TRAF3IP2: variants seen among roughly 807,000 people sequenced by gnomAD.
TRAF3IP2 encodes TRAF3 interacting protein 2, also known as E3 ubiquitin ligase TRAF3IP2.
A neutral mutation model predicts 57.9 loss-of-function variants in TRAF3IP2; 35 were observed. The ratio of observed to expected loss-of-function variants is 0.60; its 90% CI spans 0.46 to 0.80. The LOEUF (loss-of-function observed/expected upper bound fraction) is 0.80, where lower values mean the gene tolerates loss of function less well. TRAF3IP2 is among the 30% of genes least tolerant of loss of function. The pLI is 0.00. For synonymous variants in TRAF3IP2, 251 were observed against 268.9 expected (o/e 0.93, Z 0.65); for missense variants, 556 against 706.4 (o/e 0.79, Z 2.41).
chr6:111,600,352 C>T (rs147905077), intron 1 of TRAF3IP2: 131 of 152,300 alleles, frequency 8.6e-4, no homozygotes, highest in African/African-American at 3.0e-3. Context: ...TGATACACAT[C>T]ATCTCGTTTG....
chr6:111,604,593 C>T (rs1796966440), intron 1 of TRAF3IP2, among the ~76,000 whole-genome samples: 1 of 152,266 alleles, frequency 6.6e-6, no homozygotes, highest in African/African-American at 2.4e-5. Flanking sequence ...CAATTCCAGG[C>T]AGCCCTCCCG....
intron 1 of TRAF3IP2, among the ~76,000 whole-genome samples, chr6:111,604,093 CCTAAAAACATGA>C (rs1245681046): frequency 1.3e-5 from 2 of 152,182 alleles, no homozygotes; most frequent in East Asian, 3.9e-4. Context: ...GAGAGAAATG[CCTAAAAACATGA>C]CACGGACTAC....
intron 1 of TRAF3IP2, among the ~76,000 whole-genome samples, chr6:111,602,451 CAA>C (rs1411536087): frequency 1.3e-5 from 2 of 151,666 alleles, no homozygotes; most frequent in African/African-American, 2.4e-5. Context: ...AAGGAAAAAC[CAA>C]GAGAGGAAGA....
At chr6:111,570,782 C>T (rs1467592699) in intron 5 of TRAF3IP2, among the ~76,000 whole-genome samples, 3 of 152,052 alleles carry the variant, frequency 2.0e-5, no homozygotes. Flanking sequence ...CCCAGGCTGG[C>T]CTCCAACTCC....
At chr6:111,590,743 A>G (rs779984206) in intron 2 of TRAF3IP2, among the ~76,000 whole-genome samples, 2 of 152,134 alleles carry the variant, frequency 1.3e-5, no homozygotes, top group African/African-American at 4.8e-5. Flanking sequence ...TTAAGCAGCA[A>G]AATCACAGAA....
intron 4 of TRAF3IP2, chr6:111,574,927 G>A (rs1044489384): frequency 6.6e-6 from 1 of 152,228 alleles, no homozygotes; most frequent in African/African-American, 2.4e-5. Context: ...ATGAGAAATA[G>A]CTGAGGTTAT....
chr6:111,566,368 G>A (rs962191380), intron 7 of TRAF3IP2, 76 bp downstream of exon 7: 1 of 1,179,416 alleles, frequency 8.5e-7, no homozygotes, highest in Non-Finnish European at 1.2e-6. Flanking sequence ...TGGTCTCTGG[G>A]GAAGAATGGG....
At chr6:111,589,260 C>T (rs1247950627) in intron 2 of TRAF3IP2, among the ~76,000 whole-genome samples, 1 of 152,032 alleles carries the variant, frequency 6.6e-6, no homozygotes, top group Non-Finnish European at 1.5e-5. Context: ...GACAGTGTTT[C>T]ACCATGTTGG....
At chr6:111,589,451 GCAAT>G (rs1396039129) in intron 2 of TRAF3IP2, among the ~76,000 whole-genome samples, 1 of 152,076 alleles carries the variant, frequency 6.6e-6, no homozygotes, top group East Asian at 1.9e-4. Context: ...TTTAAACCTG[GCAAT>G]CACTGAGAAA....
chr6:111,597,692 T>C (rs562354277), intron 1 of TRAF3IP2: 65 of 364,064 alleles, frequency 1.8e-4, no homozygotes, highest in African/African-American at 1.3e-3. Flanking sequence ...TGAGAGCATG[T>C]ACCCTGGGTA....
rs1345767229 is a variant in TRAF3IP2, at chr6:111,557,322, A to G, written c.*2083T>C. On this transcript the variant is annotated 3_prime_UTR_variant, in exon 9 of 9. Coordinates refer to ENST00000368761, the MANE Select transcript of TRAF3IP2 (RefSeq NM_147686.4). ...GATTTGATACATGTATACATATTTT[A>G]TATATGGATATGTGTATGTGTTCTT... 1.3e-5 allele frequency: 2 copies of G among 151,938 alleles called. No individual in the cohort carries two copies. The highest frequency in any genetic ancestry group is 2.9e-5 in the Non-Finnish European group (2 of 68,006). The allele number at this position is 151,938 out of a possible 1,614,324, so 9.4% of individuals were successfully genotyped here.
chr6:111,591,273 C>T lies in TRAF3IP2; in HGVS notation c.814G>A (p.Asp272Asn), dbSNP rs757470698. 32 of 1,486,218 alleles carry T rather than the reference C, an allele frequency of 2.2e-5. No homozygotes were observed. The highest frequency in any genetic ancestry group is 9.3e-5 in the Admixed American group (4 of 43,128). 92.1% of individuals were successfully genotyped at this position (1,486,218 alleles called of 1,614,324 possible). A position where few individuals can be genotyped will look rare whatever the true frequency, so the allele number is the denominator to read the frequency against. The change falls in exon 2 of 9, where the codon GAT becomes AAT. Residue 272 changes from aspartate to asparagine, a missense_variant. By Grantham distance (23) the Asp-to-Asn change is conservative. Coordinates refer to ENST00000368761, the MANE Select transcript of TRAF3IP2 (RefSeq NM_147686.4). The surrounding 1 kb of genome is among the most constrained non-coding windows in gnomAD (Gnocchi z 4.9). ...GATCACTTACATGGCACCTGGTGATCGGGACTTCCAGGACAATGGTAATGA... is the reference window on the plus strand; with the variant it reads ...GATCACTTACATGGCACCTGGTGATTGGGACTTCCAGGACAATGGTAATGA... Reference protein sequence around the residue: ...NYHYHCPGSPDHQVPYGHDYP... With the variant: ...NYHYHCPGSPNHQVPYGHDYP...
At chr6:111,560,763 G>T (rs981624807) in intron 8 of TRAF3IP2, among the ~76,000 whole-genome samples, 1 of 152,136 alleles carries the variant, frequency 6.6e-6, no homozygotes, top group Non-Finnish European at 1.5e-5. Context: ...TTTGTATATC[G>T]CCATGCTCCA....
At chr6:111,562,859 A>AT in intron 8 of TRAF3IP2, 106 bp downstream of exon 8, 1 of 916,132 alleles carries the variant, frequency 1.1e-6, no homozygotes. Flanking sequence ...AAAAAAAAAA[A>AT]GAAAAGAAAG....
chr6:111,559,223 C>T lies in TRAF3IP2; in HGVS notation c.*182G>A. On this transcript the variant is annotated 3_prime_UTR_variant, in exon 9 of 9. Coordinates refer to ENST00000368761, the MANE Select transcript of TRAF3IP2 (RefSeq NM_147686.4). ...GCAGTCACAGACTCCACTTCAAAGC[C>T]AGGGTGTGTGGAGGTCTCCGGGGAA... 1.4e-6 allele frequency: 1 copy of T among 723,972 alleles called. No individual in the cohort carries two copies. Among genetic ancestry groups the T allele is most frequent in the South Asian group, 2.4e-5 (1 of 40,978 alleles). The allele number at this position is 723,972 out of a possible 1,614,324, so 44.8% of individuals were successfully genotyped here.
At chr6:111,603,433 C>T (rs992133497) in intron 1 of TRAF3IP2, among the ~76,000 whole-genome samples, 8 of 152,174 alleles carry the variant, frequency 5.3e-5, no homozygotes, top group Non-Finnish European at 1.2e-4. Context: ...TTGAATATGC[C>T]TCATCTGTGT....
intron 2 of TRAF3IP2, among the ~76,000 whole-genome samples, chr6:111,590,940 T>A (rs1312968041): frequency 6.6e-6 from 1 of 152,116 alleles, no homozygotes; most frequent in Non-Finnish European, 1.5e-5. Context: ...AAAAAATACA[T>A]TTTCTAGAAA....
intron 4 of TRAF3IP2, among the ~76,000 whole-genome samples, chr6:111,573,208 C>T (rs1314764976): frequency 6.6e-6 from 1 of 152,128 alleles, no homozygotes; most frequent in Admixed American, 6.5e-5. Flanking sequence ...GACTGCTCAG[C>T]GTGAATGGAA....
At chr6:111,590,655 C>T (rs540367974) in intron 2 of TRAF3IP2, among the ~76,000 whole-genome samples, 3 of 152,036 alleles carry the variant, frequency 2.0e-5, no homozygotes, top group Non-Finnish European at 4.4e-5. Context: ...TGAACCATCG[C>T]GACAAGTAGG....
Sources: allele counts gnomAD v4.1 joint callset (sites outside exome capture counted in the v4.1 genomes callset), GRCh38; gene constraint gnomAD v4.1.1; non-coding constraint Gnocchi (gnomAD v3.1); transcripts MANE v1.5; gene names NCBI Gene and HGNC (gene_info 2026-07-23, HGNC 2026-07-21).